SSC5D: variants seen among roughly 807,000 people sequenced by gnomAD.
The protein encoded by SSC5D is scavenger receptor cysteine rich family member with 5 domains, also known as soluble scavenger receptor cysteine-rich domain-containing protein SSC5D.
A neutral mutation model predicts 104.6 loss-of-function variants in SSC5D; 106 were observed. That is an observed-to-expected ratio of 1.01 (90% confidence interval 0.87 to 1.19). The LOEUF is 1.19. SSC5D is among the 50% of genes most tolerant of loss of function. The pLI is 0.00. For missense variants in SSC5D, 1,993 were observed against 2,153.8 expected, an observed-to-expected ratio of 0.93 and a Z score of 1.48; for synonymous variants, 860 against 883.5, an observed-to-expected ratio of 0.97 and a Z score of 0.47.
In SSC5D at chr19:55,504,310, C is replaced by G. The variant is rs1987592006; in HGVS notation, c.2785+3109C>G. 2.1e-6 allele frequency: 3 copies of G among 1,428,644 alleles called. No homozygotes were observed. In the Admixed American group the frequency reaches 8.4e-5, roughly 40 times the overall value. 88.5% of individuals were successfully genotyped at this position (1,428,644 alleles called of 1,614,324 possible). A position where few individuals can be genotyped will look rare whatever the true frequency, so the allele number is the denominator to read the frequency against. On this transcript the variant is annotated intron_variant, in intron 12 of 13. Transcript: ENST00000389623. ...GGCAGCCAATGAGCAGAAATAAATG[C>G]AGAATCACAAACTGCGCCGGTGAAA...
chr19:55,488,615 G>T lies in SSC5D; in HGVS notation c.25+1G>T. ...ATGAGGGTCTTGGCCTGCCTCCTTGGTGAGTGATCCATTCTCCTTGGGGAC... is the reference window on the plus strand; with the variant it reads ...ATGAGGGTCTTGGCCTGCCTCCTTGTTGAGTGATCCATTCTCCTTGGGGAC... On this transcript the variant is annotated splice_donor_variant, in intron 1 of 13. Coordinates refer to ENST00000389623, the MANE Select transcript of SSC5D (RefSeq NM_001144950.2). LOFTEE classifies it high-confidence loss of function. 6.5e-7 allele frequency: 1 copy of T among 1,549,988 alleles called. No homozygotes were observed. Among genetic ancestry groups the T allele is most frequent in the Non-Finnish European group, 8.7e-7 (1 of 1,146,412 alleles).
rs10217 is a variant in SSC5D at position 55,519,061 on chromosome 19, C to G, written c.*63C>G. 2.7e-6 allele frequency: 4 copies of G among 1,473,352 alleles called. No homozygotes were observed. The South Asian group carries it at 3.9e-5, about 14-fold the overall frequency. The allele number at this position is 1,473,352 out of a possible 1,614,324, so 91.3% of individuals were successfully genotyped here. ...CCAAAAAAAACAAAAACAAAAAAAA[C>G]CCCCAAAGTATCTAATTAAAAACAA... is the stretch of plus-strand genomic sequence containing the variant. On this transcript the variant is annotated 3_prime_UTR_variant, in exon 14 of 14. Coordinates refer to ENST00000389623, the MANE Select transcript of SSC5D (RefSeq NM_001144950.2).
chr19:55,490,357 C>A lies in SSC5D; in HGVS notation c.535C>A (p.Gln179Lys). The A allele has an allele frequency of 6.6e-7, 1 of 1,523,346 alleles. No individual in the cohort carries two copies. The highest frequency in any genetic ancestry group is 8.9e-7 in the Non-Finnish European group (1 of 1,127,352). The allele number at this position is 1,523,346 out of a possible 1,614,324, so 94.4% of individuals were successfully genotyped here. The change falls in exon 5 of 14, where the codon CAG (glutamine) becomes AAG (lysine). Residue 179 changes from glutamine to lysine, a missense_variant. By Grantham distance (53) the Gln-to-Lys change is moderately conservative. This residue lies in a region of SSC5D where 1,101 missense variants were observed against 1,085.0 expected (regional missense o/e 1.01). Coordinates refer to ENST00000389623, the MANE Select transcript of SSC5D (RefSeq NM_001144950.2). ...CCGGAAGAAGAGCCCCCGGCCCAAGCAGGCCAAGTCCACCCGGGCCCCTCT... is the reference window on the plus strand; with the variant it reads ...CCGGAAGAAGAGCCCCCGGCCCAAGAAGGCCAAGTCCACCCGGGCCCCTCT... ...ASRKKSPRPK[Q>K]AKSTRAPLLT...
intron 12 of SSC5D, among the ~76,000 whole-genome samples, chr19:55,507,614 C>T (rs1298674335): frequency 6.0e-5 from 8 of 133,330 alleles, no homozygotes; most frequent in South Asian, 2.4e-4. Flanking sequence ...TGCAGTGAGC[C>T]GAGATCCCGC....
In SSC5D at chr19:55,489,002, C is replaced by T; in HGVS notation, c.26-4C>T. ...ACTGCCCCACCCTCCGCCCTCCCTT[C>T]CAGCGGCCCTGGTGGGGATCCAGGC... On this transcript the variant is annotated splice_region_variant and splice_polypyrimidine_tract_variant and intron_variant, in intron 1 of 13. Transcript: ENST00000389623. 1 of 1,488,976 alleles carries T rather than the reference C, an allele frequency of 6.7e-7. No individual in the cohort carries two copies. The highest frequency in any genetic ancestry group is 1.3e-5 in the South Asian group (1 of 78,958). 92.2% of individuals were successfully genotyped at this position (1,488,976 alleles called of 1,614,324 possible).
At chr19:55,489,848 C>A in intron 3 of SSC5D, 34 bp from the exon 4 acceptor site, 2 of 1,535,270 alleles carry the variant, frequency 1.3e-6, no homozygotes. Flanking sequence ...CCCCTCCTCT[C>A]CTCATAGCTT....
chr19:55,517,277 A>G lies in SSC5D; in HGVS notation c.3001A>G (p.Arg1001Gly), dbSNP rs918295188. 2.6e-6 allele frequency: 4 copies of G among 1,546,750 alleles called. No individual in the cohort carries two copies. In the African/African-American group the frequency reaches 5.5e-5, roughly 21 times the overall value. The change falls in exon 14 of 14, where the codon AGG (arginine) becomes GGG (glycine). Residue 1001 changes from arginine to glycine, a missense_variant. Around this residue, in one of 6 missense-constraint regions of SSC5D, gnomAD observed 423 missense variants for 409.2 expected, o/e 1.03. Transcript: ENST00000389623. ...ERRPPRPAAT[R>G]TAPPTPSPGP... ...CCGGCCACCGCGGCCCGCTGCGACC[A>G]GGACAGCGCCCCCAACCCCGTCCCC...
At chr19:55,508,854 C>T (rs1424621596) in intron 12 of SSC5D, among the ~76,000 whole-genome samples, 1 of 42,460 alleles carries the variant, frequency 2.4e-5, no homozygotes, top group African/African-American at 9.6e-5. Flanking sequence ...TGGACTAACT[C>T]CTATACAGCA....
In SSC5D at chr19:55,489,437, G is replaced by C. The variant is rs1412613897; in HGVS notation, c.136G>C (p.Asp46His). 2 of 1,490,264 alleles carry C rather than the reference G, an allele frequency of 1.3e-6. No homozygotes were observed. Among genetic ancestry groups the C allele is most frequent in the African/African-American group, 2.9e-5 (2 of 69,168 alleles). The allele number at this position is 1,490,264 out of a possible 1,614,324, so 92.3% of individuals were successfully genotyped here. A position where few individuals can be genotyped will look rare whatever the true frequency, so the allele number is the denominator to read the frequency against. ...WHGGRWGTVC[D>H]DGWDLRDAAV... Reference sequence around the variant, plus strand: ...TGGCGGGCGCTGGGGCACCGTGTGTGATGACGGCTGGGACCTGCGCGATGC... The same window carrying C: ...TGGCGGGCGCTGGGGCACCGTGTGTCATGACGGCTGGGACCTGCGCGATGC... Residue 46 changes from aspartate (D) to histidine (H), a missense_variant, in exon 3 of 14, where the codon GAT becomes CAT. By Grantham distance (81) the Asp-to-His change is moderately conservative (BLOSUM62 -1). Transcript: ENST00000389623.
chr19:55,499,824 G>A lies in SSC5D; in HGVS notation c.1714G>A (p.Gly572Ser). The change falls in exon 10 of 14, where the codon GGC (glycine) becomes AGC (serine). Residue 572 changes from glycine to serine, a missense_variant. Around this residue, in one of 6 missense-constraint regions of SSC5D, gnomAD observed 1,101 missense variants for 1,085.0 expected, o/e 1.01. Coordinates refer to ENST00000389623, the MANE Select transcript of SSC5D (RefSeq NM_001144950.2). The stretch of plus-strand genomic sequence containing the variant: ...CCCCACTCACCTTCCAGGGCCCCCA[G>A]GCCTGGACTCCATCTCAGACCCCTT... ...DVGVTCTGPP[G>S]LDSISDPFSW... is the part of the protein sequence containing the mutation. The A allele has an allele frequency of 1.9e-6, 3 of 1,551,208 alleles. No individual in the cohort carries two copies. Among genetic ancestry groups the A allele is most frequent in the Non-Finnish European group, 2.6e-6 (3 of 1,146,602 alleles).
chr19:55,488,955 C>A, intron 1 of SSC5D, 51 bp from the exon 2 acceptor site: 2 of 872,994 alleles, frequency 2.3e-6, no homozygotes, highest in East Asian at 1.4e-4. Flanking sequence ...GGAGAAAGGG[C>A]CACCCCCGGC....
intron 8 of SSC5D, among the ~76,000 whole-genome samples, chr19:55,495,212 C>T (rs1987280188): frequency 2.3e-5 from 1 of 43,504 alleles, no homozygotes; most frequent in Non-Finnish European, 4.2e-5. Flanking sequence ...TGCCTGCCTC[C>T]TTTCATATAT....
rs1987491073 is a variant in SSC5D, at chr19:55,501,123, C to A, written c.2707C>A (p.Pro903Thr). The change falls in exon 12 of 14, where the codon CCT becomes ACT. Residue 903 changes from proline to threonine, a missense_variant. Pro to Thr is a conservative substitution (Grantham distance 38). Coordinates refer to ENST00000389623, the MANE Select transcript of SSC5D (RefSeq NM_001144950.2). ...CAAGGGGACTACCACAGCGGGGGTA[C>A]CTGGACACACTCTCCCCTGGAGGAC... ...LAKGTTTAGV[P>T]GHTLPWRTTR... 1 of 1,551,566 alleles carries A rather than the reference C, an allele frequency of 6.4e-7. No homozygotes were observed. The highest frequency in any genetic ancestry group is 2.4e-5 in the East Asian group (1 of 40,914).
At position 55,518,365 on chromosome 19, in the gene SSC5D, C is replaced by A. The variant is rs1295591865; in HGVS notation, c.4089C>A (p.His1363Gln). The A allele has an allele frequency of 3.0e-5, 47 of 1,551,170 alleles. No homozygotes were observed. Among genetic ancestry groups the A allele is most frequent in the Non-Finnish European group, 3.7e-5 (43 of 1,146,874 alleles). ...TLAPTVKPSL[H>Q]PQLTFTAPAP... ...CACCAACAGTCAAGCCCAGTCTGCA[C>A]CCCCAGTTGACCTTCACAGCACCTG... The change falls in exon 14 of 14, where the codon CAC becomes CAA. Residue 1363 changes from histidine (H) to glutamine (Q), a missense_variant. Physicochemically the swap from His to Gln is conservative, Grantham distance 24. This residue lies in a region of SSC5D where 349 missense variants were observed against 397.6 expected (regional missense o/e 0.88). Transcript: ENST00000389623.
At position 55,515,731 on chromosome 19, in the gene SSC5D, CA is replaced by C. The variant is rs35843272; in HGVS notation, c.2948-1482del. On this transcript the variant is annotated intron_variant, in intron 13 of 13. Transcript: ENST00000389623. ...TGGGCGACAGAGTGAGACTCCGTCTCAAAAAAAAAAATAAAATAAAATAAAA... is the reference window on the plus strand; with the variant it reads ...TGGGCGACAGAGTGAGACTCCGTCTCAAAAAAAAAATAAAATAAAATAAAA... Among the ~76,000 whole-genome samples, 150 of 142,596 alleles carry C rather than the reference CA, an allele frequency of 1.1e-3. 2 individuals carry two copies. Among genetic ancestry groups the C allele is most frequent in the South Asian group, 8.8e-3 (41 of 4,658 alleles). 93.5% of individuals were successfully genotyped at this position (142,596 alleles called of 152,430 possible).
At chr19:55,493,501 A>T in intron 6 of SSC5D, 94 bp from the exon 7 acceptor site, 1 of 1,097,510 alleles carries the variant, frequency 9.1e-7, no homozygotes, top group Non-Finnish European at 1.2e-6. Flanking sequence ...TGCTTCCCAG[A>T]GTCATCTTGG....
chr19:55,491,105 C>T (rs775549272), intron 6 of SSC5D, 25 bp downstream of exon 6: 2 of 1,535,916 alleles, frequency 1.3e-6, no homozygotes, highest in Non-Finnish European at 8.8e-7. Flanking sequence ...GGCCTGGCCC[C>T]CTCCTGTCTT....
chr19:55,518,391 C>T lies in SSC5D; in HGVS notation c.4115C>T (p.Ala1372Val). Residue 1372 changes from alanine (A) to valine (V), a missense_variant, in exon 14 of 14, where the codon GCC becomes GTC. Transcript: ENST00000389623. ...LHPQLTFTAP[A>V]PHTSTSQIPT... Reference sequence around the variant, plus strand: ...CCCCAGTTGACCTTCACAGCACCTGCCCCTCACACCTCCACATCCCAGATA... The same window carrying T: ...CCCCAGTTGACCTTCACAGCACCTGTCCCTCACACCTCCACATCCCAGATA... The T allele has an allele frequency of 6.4e-7, 1 of 1,551,332 alleles. No homozygotes were observed. The highest frequency in any genetic ancestry group is 8.7e-7 in the Non-Finnish European group (1 of 1,146,936).
chr19:55,510,716 T>TTCTTTTG (rs1987739342), intron 12 of SSC5D, among the ~76,000 whole-genome samples: 1 of 152,040 alleles, frequency 6.6e-6, no homozygotes, highest in South Asian at 2.1e-4. Context: ...TTTTTCTTTT[T>TTCTTTTG]TAATTAATAG....
Sources: allele counts gnomAD v4.1 joint callset (sites outside exome capture counted in the v4.1 genomes callset), GRCh38; gene constraint gnomAD v4.1.1; regional missense constraint gnomAD v4.1.1; transcripts MANE v1.5; gene names NCBI Gene and HGNC (gene_info 2026-07-23, HGNC 2026-07-21).